The following LMNTD1 variants were observed in gnomAD, a reference collection of about 807,000 sequenced individuals.
The protein encoded by LMNTD1 is lamin tail domain-containing protein 1.
Under a neutral mutation model 50.9 loss-of-function variants are expected in LMNTD1, and 35 were observed. The observed-to-expected ratio is 0.69, with a 90% CI of 0.53 to 0.91. The LOEUF is 0.91. Ranked by LOEUF, LMNTD1 falls within the 40% of genes least tolerant of loss-of-function variation. LMNTD1 has a pLI of 0.00. For missense variants in LMNTD1, 470 were observed against 475.5 expected, an observed-to-expected ratio of 0.99 and a Z score of 0.11; for synonymous variants, 153 against 161.9, an observed-to-expected ratio of 0.94 and a Z score of 0.42.
chr12:25,620,287 T>G lies in LMNTD1; in HGVS notation c.58+28207A>C, dbSNP rs1026864654. On this transcript the variant is annotated intron_variant, in intron 1 of 7. Coordinates refer to the LMNTD1 transcript ENST00000445693. Reference sequence around the variant, plus strand: ...AGGCCTTTTTTAATGTTAACGGAACTCCACAGTTTTCTAATTCCATTTAAT... The same window carrying G: ...AGGCCTTTTTTAATGTTAACGGAACGCCACAGTTTTCTAATTCCATTTAAT... 6.6e-5 allele frequency among the ~76,000 whole-genome samples: 10 copies of G among 152,272 alleles called. No individual in the cohort carries two copies. In the East Asian group the frequency reaches 1.2e-3, roughly 18 times the overall value.
At chr12:25,566,717 A>G (rs992226135) in intron 1 of LMNTD1, among the ~76,000 whole-genome samples, 2 of 152,164 alleles carry the variant, frequency 1.3e-5, no homozygotes, top group Non-Finnish European at 2.9e-5. Context: ...AACAAATTTG[A>G]AGTTAGGATT....
chr12:25,542,940 G>A (rs1239975667), intron 4 of LMNTD1, among the ~76,000 whole-genome samples: 1 of 151,610 alleles, frequency 6.6e-6, no homozygotes, highest in Non-Finnish European at 1.5e-5. Flanking sequence ...TGAGAAATGA[G>A]AAAGGTGATA....
At chr12:25,521,253 T>C (rs1941297627) in intron 6 of LMNTD1, among the ~76,000 whole-genome samples, 1 of 152,182 alleles carries the variant, frequency 6.6e-6, no homozygotes, top group Non-Finnish European at 1.5e-5. Context: ...TTTTTGTTTT[T>C]GTAGCCTGAG....
At chr12:25,623,414 C>T (rs1946517501) in intron 1 of LMNTD1, among the ~76,000 whole-genome samples, 1 of 151,666 alleles carries the variant, frequency 6.6e-6, no homozygotes. Context: ...ATTAGCTGGG[C>T]ATGGTGGCAT....
rs76718722 is a variant in LMNTD1, at chr12:25,512,906, A to T, written c.1189+5889T>A. Among the ~76,000 whole-genome samples the T allele has an allele frequency of 3.6e-3, 554 of 152,252 alleles. 4 individuals carry two copies. The highest frequency in any genetic ancestry group is 0.013 in the African/African-American group (539 of 41,534). ...GAAACCTCTTCTCATGACTCCCAAAACATCAGAAACATTTATTGCCCATGA... is the reference window on the plus strand; with the variant it reads ...GAAACCTCTTCTCATGACTCCCAAATCATCAGAAACATTTATTGCCCATGA... On this transcript the variant is annotated intron_variant, in intron 8 of 9. Transcript: ENST00000458174.
At position 25,544,910 on chromosome 12, in the gene LMNTD1, C is replaced by T. The variant is rs753707215; in HGVS notation, c.491+1464G>A. Among the ~76,000 whole-genome samples the T allele has an allele frequency of 2.0e-5, 3 of 151,754 alleles. No individual in the cohort carries two copies. In the East Asian group the frequency reaches 5.8e-4, roughly 29 times the overall value. On this transcript the variant is annotated intron_variant, in intron 4 of 9. Coordinates refer to ENST00000458174, the MANE Select transcript of LMNTD1 (RefSeq NM_001145728.2). ...TTTGACTGTTAGTTTTCTCAATTTA[C>T]GTATTTTTATACTGCCTATCTCTTA...
At chr12:25,633,226 TG>T (rs1371083357) in intron 1 of LMNTD1, among the ~76,000 whole-genome samples, 1 of 152,000 alleles carries the variant, frequency 6.6e-6, no homozygotes, top group East Asian at 1.9e-4. Context: ...ACAATAATAA[TG>T]GGGGCCTTCA....
intron 1 of LMNTD1, among the ~76,000 whole-genome samples, chr12:25,633,150 T>G (rs570002765): frequency 6.6e-6 from 1 of 152,176 alleles, no homozygotes; most frequent in East Asian, 1.9e-4. Context: ...TATATCCACC[T>G]AAGACTGGAG....
At chr12:25,563,914 G>C (rs867319464) in intron 1 of LMNTD1, among the ~76,000 whole-genome samples, 5 of 152,202 alleles carry the variant, frequency 3.3e-5, no homozygotes, top group Admixed American at 1.3e-4. Context: ...AGCAGTGAGT[G>C]AGGCTCCGTA....
intron 1 of LMNTD1, among the ~76,000 whole-genome samples, chr12:25,612,865 A>G (rs540452793): frequency 1.3e-5 from 2 of 152,294 alleles, no homozygotes; most frequent in East Asian, 1.9e-4. Flanking sequence ...GAATAGATTA[A>G]GGATCTTGAG....
chr12:25,576,753 T>C (rs1251298965), intron 1 of LMNTD1, among the ~76,000 whole-genome samples: 1 of 152,226 alleles, frequency 6.6e-6, no homozygotes, highest in African/African-American at 2.4e-5. Context: ...GTTTTAGTCA[T>C]GAAGTCCTTG....
chr12:25,610,202 T>A (rs1946210476), intron 1 of LMNTD1, among the ~76,000 whole-genome samples: 1 of 152,136 alleles, frequency 6.6e-6, no homozygotes, highest in Non-Finnish European at 1.5e-5. Flanking sequence ...AAAAGTGCAG[T>A]GTCTAGGTGG....
At chr12:25,579,046 A>G (rs1455464047) in intron 1 of LMNTD1, among the ~76,000 whole-genome samples, 1 of 152,124 alleles carries the variant, frequency 6.6e-6, no homozygotes, top group Non-Finnish European at 1.5e-5. Context: ...GCACTAACCT[A>G]ATCCATGTTA....
chr12:25,562,637 TA>T (rs1264059926), intron 1 of LMNTD1, among the ~76,000 whole-genome samples: 1 of 152,220 alleles, frequency 6.6e-6, no homozygotes, highest in Non-Finnish European at 1.5e-5. Context: ...TCTCGAGAAG[TA>T]TCTTTGTGGC....
At chr12:25,598,785 T>C (rs184099585) in intron 1 of LMNTD1, among the ~76,000 whole-genome samples, 3 of 152,064 alleles carry the variant, frequency 2.0e-5, no homozygotes, top group Non-Finnish European at 4.4e-5. Flanking sequence ...CATGTAACCT[T>C]CCAGGATTGA....
intron 8 of LMNTD1, among the ~76,000 whole-genome samples, chr12:25,514,235 G>C (rs1378297927): frequency 1.3e-5 from 2 of 152,130 alleles, no homozygotes; most frequent in African/African-American, 4.8e-5. Flanking sequence ...GCATAGGAGG[G>C]AGGTGGTACT....
chr12:25,494,795 GATTA>G (rs1488283908), intron 9 of LMNTD1, among the ~76,000 whole-genome samples: 1 of 152,098 alleles, frequency 6.6e-6, no homozygotes, highest in East Asian at 1.9e-4. Flanking sequence ...ATTGTGAAAT[GATTA>G]ATTCAATCAA....
chr12:25,482,324 A>G (rs1938471677), intron 9 of LMNTD1, among the ~76,000 whole-genome samples: 1 of 151,982 alleles, frequency 6.6e-6, no homozygotes, highest in African/African-American at 2.4e-5. Flanking sequence ...CTTTAATTTT[A>G]CATCCCCCAG....
At chr12:25,551,689 G>A (rs1453981862) in intron 2 of LMNTD1, among the ~76,000 whole-genome samples, 2 of 152,300 alleles carry the variant, frequency 1.3e-5, no homozygotes, top group African/African-American at 4.8e-5. Flanking sequence ...ACTATGCCTG[G>A]CCGAATAAGA....
Sources: gnomAD v4.1 joint callset for allele counts (sites outside exome capture counted in the v4.1 genomes callset) on GRCh38, gnomAD v4.1.1 for gene constraint, MANE v1.5 for transcripts, NCBI Gene and HGNC (gene_info 2026-07-23, HGNC 2026-07-21) for gene names.